Variants in SEMA6D observed in about 807,000 individuals in gnomAD.
SEMA6D encodes the protein semaphorin 6D.
Under a neutral mutation model 106.6 loss-of-function variants are expected in SEMA6D, and 35 were observed. The observed-to-expected ratio is 0.33, with a 90% CI of 0.25 to 0.44. The LOEUF (loss-of-function observed/expected upper bound fraction) is 0.44. SEMA6D is among the 20% of genes least tolerant of loss of function. The probability of loss-of-function intolerance (pLI) is 1.00; values close to 1 mark genes in which losing one functional copy is unlikely to be tolerated. For missense variants in SEMA6D, 1,185 were observed against 1,345.9 expected (o/e 0.88, Z 1.87); for synonymous variants, 499 against 487.7 (o/e 1.02, Z -0.31).
At chr15:47,252,057 A>G (rs2033549213) in intron 1 of SEMA6D, among the ~76,000 whole-genome samples, 1 of 148,950 alleles carries the variant, frequency 6.7e-6, no homozygotes, top group South Asian at 2.1e-4. Flanking sequence ...CTGGGACTAC[A>G]GGCGCCCGCT....
At chr15:47,510,149 G>A (rs2044179327) in intron 3 of SEMA6D, among the ~76,000 whole-genome samples, 1 of 152,166 alleles carries the variant, frequency 6.6e-6, no homozygotes, top group South Asian at 2.1e-4. Flanking sequence ...ACAGCAGGAG[G>A]TGAGTGGCAG....
chr15:47,668,316 T>C (rs2078068783), intron 4 of SEMA6D, among the ~76,000 whole-genome samples: 1 of 152,220 alleles, frequency 6.6e-6, no homozygotes, highest in Non-Finnish European at 1.5e-5. Flanking sequence ...CCAGTAGATC[T>C]AACACTGGAA....
chr15:47,559,960 A>T (rs574471054), intron 3 of SEMA6D, among the ~76,000 whole-genome samples: 31 of 152,278 alleles, frequency 2.0e-4, no homozygotes, highest in African/African-American at 7.0e-4. Context: ...ATCCCTAGGA[A>T]GTTAGACTAA....
chr15:47,662,345 G>A (rs1448974817), intron 4 of SEMA6D, among the ~76,000 whole-genome samples: 1 of 152,010 alleles, frequency 6.6e-6, no homozygotes, highest in African/African-American at 2.4e-5. Flanking sequence ...GAATGACAAT[G>A]GCAAATCCAT....
At chr15:47,578,983 T>A (rs1012077517) in intron 3 of SEMA6D, among the ~76,000 whole-genome samples, 3 of 152,138 alleles carry the variant, frequency 2.0e-5, no homozygotes, top group African/African-American at 7.2e-5. Flanking sequence ...TCCAAAATAT[T>A]CTCCCTGTTG....
chr15:47,622,674 A>G (rs182301291), intron 4 of SEMA6D, among the ~76,000 whole-genome samples: 5 of 152,284 alleles, frequency 3.3e-5, no homozygotes, highest in South Asian at 2.1e-4. Context: ...GGAGAAGTCA[A>G]TCAAGTGTGT....
At chr15:47,228,024 T>C (rs28482862) in intron 1 of SEMA6D, among the ~76,000 whole-genome samples, 2 of 124,450 alleles carry the variant, frequency 1.6e-5, no homozygotes. Flanking sequence ...AATCATATAT[T>C]TTTTATATAT....
intron 4 of SEMA6D, among the ~76,000 whole-genome samples, chr15:47,650,745 C>A (rs1048418704): frequency 2.6e-5 from 4 of 152,174 alleles, no homozygotes; most frequent in Non-Finnish European, 5.9e-5. Flanking sequence ...TGCTAAGTGC[C>A]ACACTGACCT....
intron 1 of SEMA6D, among the ~76,000 whole-genome samples, chr15:47,230,093 C>T (rs1242005378): frequency 6.6e-6 from 1 of 151,942 alleles, no homozygotes; most frequent in South Asian, 2.1e-4. Context: ...GTTTTTACTT[C>T]AGGCCTCTCT....
chr15:47,283,197 C>A (rs894901803), intron 1 of SEMA6D, among the ~76,000 whole-genome samples: 1 of 152,106 alleles, frequency 6.6e-6, no homozygotes, highest in Non-Finnish European at 1.5e-5. Context: ...GCCCTCTAAA[C>A]CCCAAAGTGG....
At chr15:47,197,729 A>G (rs1683024450) in intron 1 of SEMA6D, among the ~76,000 whole-genome samples, 1 of 152,146 alleles carries the variant, frequency 6.6e-6, no homozygotes, top group Non-Finnish European at 1.5e-5. Context: ...TGTTTTGGAT[A>G]ATTTATCAGA....
intron 4 of SEMA6D, among the ~76,000 whole-genome samples, chr15:47,612,167 G>GCAATGC (rs2076919515): frequency 6.6e-6 from 1 of 152,248 alleles, no homozygotes; most frequent in African/African-American, 2.4e-5. Flanking sequence ...CATAGCAAAA[G>GCAATGC]CAATGCTCTT....
intron 1 of SEMA6D, among the ~76,000 whole-genome samples, chr15:47,358,899 C>T (rs2038693949): frequency 6.6e-6 from 1 of 152,158 alleles, no homozygotes; most frequent in Non-Finnish European, 1.5e-5. Flanking sequence ...GAGCCTCAAT[C>T]CTTTGGTCCC....
chr15:47,208,493 C>T (rs999333669), intron 1 of SEMA6D, among the ~76,000 whole-genome samples: 3 of 152,074 alleles, frequency 2.0e-5, no homozygotes, highest in Non-Finnish European at 2.9e-5. Context: ...TTTGTGTTTT[C>T]TGTGTTCAGC....
chr15:47,677,431 C>T (rs1054286631), intron 4 of SEMA6D, among the ~76,000 whole-genome samples: 3 of 152,138 alleles, frequency 2.0e-5, no homozygotes, highest in Non-Finnish European at 4.4e-5. Flanking sequence ...TTCAATTTTC[C>T]AGTGTCACTT....
chr15:47,589,886 A>C (rs1237625719), intron 3 of SEMA6D, among the ~76,000 whole-genome samples: 3 of 152,176 alleles, frequency 2.0e-5, no homozygotes, highest in African/African-American at 7.2e-5. Context: ...TCCAACATAA[A>C]ACTTAGTGGC....
intron 4 of SEMA6D, among the ~76,000 whole-genome samples, chr15:47,684,623 T>C (rs1311824252): frequency 3.3e-5 from 5 of 152,182 alleles, no homozygotes. Context: ...TGACATTTGC[T>C]GAATAAATGA....
At chr15:47,702,137 C>T (rs886172336) in intron 4 of SEMA6D, among the ~76,000 whole-genome samples, 10 of 152,196 alleles carry the variant, frequency 6.6e-5, no homozygotes, top group African/African-American at 2.2e-4. Flanking sequence ...GATGGTCATA[C>T]TTGGCTGATG....
At chr15:47,554,433 A>T (rs183166719) in intron 3 of SEMA6D, among the ~76,000 whole-genome samples, 414 of 152,316 alleles carry the variant, frequency 2.7e-3, no homozygotes, top group Middle Eastern at 6.8e-3. Flanking sequence ...GGCAATTTGA[A>T]AGAGGAGACT....
Sources: allele counts gnomAD v4.1 joint callset (sites outside exome capture counted in the v4.1 genomes callset), GRCh38; gene constraint gnomAD v4.1.1; transcripts MANE v1.5; gene names NCBI Gene and HGNC (gene_info 2026-07-23, HGNC 2026-07-21).